Variants in RAPGEF4 observed in about 807,000 individuals in gnomAD.
RAPGEF4 encodes RAP guanine-nucleotide-exchange factor (GEF) 4.
A neutral mutation model predicts 147.9 loss-of-function variants in RAPGEF4; 66 were observed. The observed-to-expected ratio is 0.45, with a 90% CI of 0.37 to 0.55. The LOEUF is 0.55. RAPGEF4 is among the 20% of genes least tolerant of loss of function. The probability of loss-of-function intolerance (pLI) is 0.00; values close to 1 mark genes in which losing one functional copy is unlikely to be tolerated. For missense variants in RAPGEF4, 1,071 were observed against 1,257.3 expected, an observed-to-expected ratio of 0.85 and a Z score of 2.24; for synonymous variants, 419 against 442.7, an observed-to-expected ratio of 0.95 and a Z score of 0.67.
At chr2:172,823,068 C>T (rs1438196366) in intron 4 of RAPGEF4, among the ~76,000 whole-genome samples, 4 of 152,204 alleles carry the variant, frequency 2.6e-5, no homozygotes, top group Non-Finnish European at 5.9e-5. Flanking sequence ...AAGAAAGATC[C>T]AGCGTGCTAA....
At chr2:172,885,462 T>A (rs1697096498) in intron 4 of RAPGEF4, among the ~76,000 whole-genome samples, 1 of 152,348 alleles carries the variant, frequency 6.6e-6, no homozygotes, top group South Asian at 2.1e-4. Context: ...CATTTCATGC[T>A]GCTGATAAAG....
chr2:172,764,567 G>C (rs1186491448), intron 1 of RAPGEF4, among the ~76,000 whole-genome samples: 1 of 152,178 alleles, frequency 6.6e-6, no homozygotes, highest in Non-Finnish European at 1.5e-5. Flanking sequence ...CCAATAAAAG[G>C]GTAGCAGTGA....
intron 10 of RAPGEF4, among the ~76,000 whole-genome samples, chr2:172,977,470 G>A (rs1269423119): frequency 1.3e-5 from 2 of 152,122 alleles, no homozygotes; most frequent in African/African-American, 4.8e-5. Flanking sequence ...TTTGTCTGAT[G>A]TGAGAGTAGA....
intron 4 of RAPGEF4, among the ~76,000 whole-genome samples, chr2:172,835,707 T>G (rs1347884049): frequency 6.6e-6 from 1 of 152,246 alleles, no homozygotes; most frequent in Admixed American, 6.5e-5. Flanking sequence ...TTGATACTTA[T>G]GATAATAAAA....
chr2:172,747,665 G>A (rs1217080406), intron 1 of RAPGEF4, among the ~76,000 whole-genome samples: 17 of 152,114 alleles, frequency 1.1e-4, no homozygotes. Flanking sequence ...TGGTCTTGCT[G>A]TGTTGCCCAG....
intron 4 of RAPGEF4, among the ~76,000 whole-genome samples, chr2:172,861,379 C>A (rs1310269371): frequency 6.6e-6 from 1 of 152,244 alleles, no homozygotes; most frequent in Middle Eastern, 3.4e-3. Context: ...TCAAAACAAG[C>A]CTTAAAACAG....
At chr2:172,812,812 T>G (rs1010593295) in intron 3 of RAPGEF4, among the ~76,000 whole-genome samples, 8 of 152,222 alleles carry the variant, frequency 5.3e-5, no homozygotes, top group Non-Finnish European at 1.0e-4. Context: ...AATAGGCTAG[T>G]GGGAACTTCA....
intron 17 of RAPGEF4, among the ~76,000 whole-genome samples, chr2:173,003,297 C>T (rs1321707728): frequency 3.3e-5 from 5 of 152,130 alleles, no homozygotes; most frequent in African/African-American, 1.2e-4. Context: ...TACTGGCGGG[C>T]AGGGAGAGGG....
At chr2:172,909,469 T>C (rs1486479592) in intron 4 of RAPGEF4, among the ~76,000 whole-genome samples, 2 of 152,124 alleles carry the variant, frequency 1.3e-5, no homozygotes, top group Non-Finnish European at 2.9e-5. Context: ...GTGAGGTCAT[T>C]GATGTTGTTA....
intron 6 of RAPGEF4, among the ~76,000 whole-genome samples, chr2:172,951,255 A>G (rs753297697): frequency 1.6e-4 from 24 of 152,210 alleles, no homozygotes; most frequent in Non-Finnish European, 3.1e-4. Flanking sequence ...GAAACACCCA[A>G]TCAGTTTGCT....
intron 6 of RAPGEF4, among the ~76,000 whole-genome samples, chr2:172,957,536 G>A (rs1052806404): frequency 6.6e-6 from 1 of 152,238 alleles, no homozygotes; most frequent in Non-Finnish European, 1.5e-5. Context: ...ACATAGTTCT[G>A]AGGATGTGGT....
chr2:172,980,464 A>G (rs1216976774), intron 10 of RAPGEF4, among the ~76,000 whole-genome samples: 1 of 151,914 alleles, frequency 6.6e-6, no homozygotes, highest in Non-Finnish European at 1.5e-5. Flanking sequence ...CAAGGGATGG[A>G]CAAAAGAACA....
intron 4 of RAPGEF4, among the ~76,000 whole-genome samples, chr2:172,883,829 A>T (rs182049141): frequency 6.6e-6 from 1 of 152,270 alleles, no homozygotes; most frequent in Non-Finnish European, 1.5e-5. Flanking sequence ...CAGTGTGAAG[A>T]TGAGATGCAA....
chr2:172,978,165 C>A (rs1017169928), intron 10 of RAPGEF4, among the ~76,000 whole-genome samples: 1 of 151,964 alleles, frequency 6.6e-6, no homozygotes, highest in African/African-American at 2.4e-5. Flanking sequence ...AGCAGGCTGC[C>A]CACGTGGGCT....
chr2:172,745,221 A>G (rs1694659991), intron 1 of RAPGEF4, among the ~76,000 whole-genome samples: 1 of 152,078 alleles, frequency 6.6e-6, no homozygotes, highest in Non-Finnish European at 1.5e-5. Context: ...CTGGGCCAGG[A>G]GTTTTCTATA....
chr2:172,884,063 G>C (rs144310296), intron 4 of RAPGEF4, among the ~76,000 whole-genome samples: 127 of 152,210 alleles, frequency 8.3e-4, no homozygotes, highest in African/African-American at 2.6e-3. Flanking sequence ...CTAAACTGTT[G>C]CCACAGCAAT....
rs1184969825 is a variant in RAPGEF4, at chr2:172,797,510, A to T, written c.209-15A>T. On this transcript the variant is annotated splice_polypyrimidine_tract_variant and intron_variant, in intron 2 of 30. Transcript: ENST00000397081. ...TTGTATCTGTTATATTTATATCACA[A>T]TTTTTTTTTCCCAGTATTTCGCCAG... 6.3e-6 allele frequency: 10 copies of T among 1,585,608 alleles called. No homozygotes were observed. In the Middle Eastern group the frequency reaches 5.1e-4, roughly 80 times the overall value.
intron 4 of RAPGEF4, among the ~76,000 whole-genome samples, chr2:172,846,944 T>C (rs1692264345): frequency 6.6e-6 from 1 of 152,132 alleles, no homozygotes. Flanking sequence ...TGCATGTCTC[T>C]CCTCCCTTTG....
At chr2:172,885,096 A>G (rs1237635224) in intron 4 of RAPGEF4, among the ~76,000 whole-genome samples, 2 of 152,228 alleles carry the variant, frequency 1.3e-5, no homozygotes, top group Non-Finnish European at 2.9e-5. Flanking sequence ...TTCACAGCCC[A>G]ACAAGCCAGC....
Sources: gnomAD v4.1 joint callset for allele counts (sites outside exome capture counted in the v4.1 genomes callset) on GRCh38, gnomAD v4.1.1 for gene constraint, MANE v1.5 for transcripts, NCBI Gene and HGNC (gene_info 2026-07-23, HGNC 2026-07-21) for gene names.